The following MED16 variants were observed in gnomAD, a reference collection of about 807,000 sequenced individuals.
MED16 encodes the protein mediator complex subunit 16.
Under a neutral mutation model 84.4 loss-of-function variants are expected in MED16, and 81 were observed. The ratio of observed to expected loss-of-function variants is 0.96; its 90% CI spans 0.80 to 1.15. The LOEUF is 1.15. Ranked by LOEUF, MED16 falls within the 50% of genes most tolerant of loss-of-function variation. MED16 has a pLI of 0.00. For missense variants in MED16, 1,585 were observed against 1,245.9 expected, an observed-to-expected ratio of 1.27 and a Z score of -4.10; for synonymous variants, 897 against 552.2, an observed-to-expected ratio of 1.62 and a Z score of -8.76.
In MED16 at chr19:880,782, G is replaced by A. The variant is rs186828027; in HGVS notation, c.1142-634C>T. Among the ~76,000 whole-genome samples the A allele has an allele frequency of 2.8e-3, 420 of 152,160 alleles. 9 individuals carry two copies. Among genetic ancestry groups the A allele is most frequent in the African/African-American group, 9.7e-3 (403 of 41,512 alleles). ...CTAAAATACAAAAAATTAGCCGGGC[G>A]TGGCAGCACGCGCCTGTAGTCCCAG... On this transcript the variant is annotated intron_variant, in intron 7 of 15. Transcript: ENST00000325464.
At chr19:873,689 G>A (rs774663158) in intron 10 of MED16, 107 bp from the exon 11 acceptor site, 5 of 1,278,232 alleles carry the variant, frequency 3.9e-6, no homozygotes, top group African/African-American at 1.5e-5. Context: ...CCCAGTACCA[G>A]GACACAAGGG....
rs764612619 is a variant in MED16 at position 876,983 on chromosome 19, G to T, written c.1551C>A (p.Ala517=). The T allele has an allele frequency of 3.7e-6, 6 of 1,611,222 alleles. No individual in the cohort carries two copies. The South Asian group carries it at 4.4e-5, about 12-fold the overall frequency. Residue 517 remains alanine, a synonymous_variant, in exon 9 of 16, where the codon GCC becomes GCA. Transcript: ENST00000325464. ...TGCCACGGGCCCCCACCTGCTGCAG[G>T]GCAGCGGTCTGGCGCGTGTACTCCT... ...LHEEYTRQTA[A]LQQVLSTRIL...
chr19:888,968 T>C (rs1270860028), intron 4 of MED16, among the ~76,000 whole-genome samples: 1 of 151,904 alleles, frequency 6.6e-6, no homozygotes, highest in Non-Finnish European at 1.5e-5. Flanking sequence ...CTGCCGTCAG[T>C]GAGGAAACTG....
chr19:886,287 C>T, intron 4 of MED16, 86 bp from the exon 5 acceptor site: 3 of 1,219,642 alleles, frequency 2.5e-6, no homozygotes, highest in Non-Finnish European at 3.3e-6. Context: ...CACAGAAGAA[C>T]CACGCAGAAG....
intron 8 of MED16, among the ~76,000 whole-genome samples, chr19:879,442 GC>G (rs2036359109): frequency 1.8e-5 from 1 of 55,388 alleles, no homozygotes. Flanking sequence ...AGCCCCACGT[GC>G]CCCAGCAGCT....
intron 1 of MED16, 152 bp downstream of exon 1, chr19:892,934 C>A: frequency 6.8e-6 from 1 of 146,186 alleles, no homozygotes; most frequent in Non-Finnish European, 1.5e-5. Flanking sequence ...GCCCCGCGCC[C>A]CGCGCCCCAG....
intron 15 of MED16, 63 bp from the exon 16 acceptor site, chr19:868,314 G>A: frequency 1.3e-6 from 2 of 1,585,646 alleles, no homozygotes; most frequent in Non-Finnish European, 8.5e-7. Flanking sequence ...GGCTCTTGCA[G>A]CAGCCGGGCT....
rs2036044873 is a variant in MED16, at chr19:871,229, T to G, written c.2123A>C (p.Glu708Ala). 2.6e-6 allele frequency: 4 copies of G among 1,542,688 alleles called. No homozygotes were observed. Among genetic ancestry groups the G allele is most frequent in the Non-Finnish European group, 2.6e-6 (3 of 1,141,014 alleles). Residue 708 changes from glutamate (E) to alanine (A), a missense_variant, in exon 13 of 16, where the codon GAG becomes GCG. Coordinates refer to ENST00000325464, the MANE Select transcript of MED16 (RefSeq NM_005481.3). ...TTCATCCACCAGCGCCTCGTCCGGC[T>G]CGCTCGCTGGGCCCTCATCGCGACC... Reference protein sequence around the residue: ...ICCRDEGPASEPDEALVDECC... With the variant: ...ICCRDEGPASAPDEALVDECC...
Position 868,033 on chromosome 19 carries a change from G to C in MED16, c.*68C>G. The C allele has an allele frequency of 2.0e-6, 3 of 1,530,164 alleles. No individual in the cohort carries two copies. The highest frequency in any genetic ancestry group is 2.6e-6 in the Non-Finnish European group (3 of 1,143,770). 94.8% of individuals were successfully genotyped at this position (1,530,164 alleles called of 1,614,324 possible). On this transcript the variant is annotated 3_prime_UTR_variant, in exon 16 of 16. Coordinates refer to ENST00000325464, the MANE Select transcript of MED16 (RefSeq NM_005481.3). ...TTGTCCAGGTTCAGCGCTCTCCGCG[G>C]GTGAGGCAAGGAAACCGAGGAGACG...
chr19:886,215 A>T lies in MED16; in HGVS notation c.448-14T>A. 2 of 1,493,768 alleles carry T rather than the reference A, an allele frequency of 1.3e-6. No homozygotes were observed. The highest frequency in any genetic ancestry group is 1.8e-6 in the Non-Finnish European group (2 of 1,126,992). The allele number at this position is 1,493,768 out of a possible 1,614,324, so 92.5% of individuals were successfully genotyped here. A position where few individuals can be genotyped will look rare whatever the true frequency, so the allele number is the denominator to read the frequency against. On this transcript the variant is annotated splice_polypyrimidine_tract_variant and intron_variant, in intron 4 of 15. Transcript: ENST00000325464. Reference sequence around the variant, plus strand: ...GGAGGCGCCCGACTGTGGAGAAGGGAGGGAGGGAGGAGGGGCCGCTCAGGC... The same window carrying T: ...GGAGGCGCCCGACTGTGGAGAAGGGTGGGAGGGAGGAGGGGCCGCTCAGGC...
At chr19:872,139 T>A in intron 11 of MED16, 21 bp from the exon 12 acceptor site, 1 of 1,551,642 alleles carries the variant, frequency 6.4e-7, no homozygotes, top group Non-Finnish European at 8.7e-7. Context: ...GAGGCATCGG[T>A]GTGGCTGGGG....
At position 869,043 on chromosome 19, in the gene MED16, C is replaced by T. The variant is rs555514961; in HGVS notation, c.2316-97G>A. Reference sequence around the variant, plus strand: ...CACAGGCGGGGGTGGAGGGAATGGCCGGCCTCACACCATCTGCCAGGTGGG... The same window carrying T: ...CACAGGCGGGGGTGGAGGGAATGGCTGGCCTCACACCATCTGCCAGGTGGG... On this transcript the variant is annotated intron_variant, in intron 13 of 15. Coordinates refer to ENST00000325464, the MANE Select transcript of MED16 (RefSeq NM_005481.3). 31 of 1,056,718 alleles carry T rather than the reference C, an allele frequency of 2.9e-5. No homozygotes were observed. The East Asian group carries it at 4.1e-4, about 14-fold the overall frequency. 65.5% of individuals were successfully genotyped at this position (1,056,718 alleles called of 1,614,324 possible). A position where few individuals can be genotyped will look rare whatever the true frequency, so the allele number is the denominator to read the frequency against.
intron 10 of MED16, among the ~76,000 whole-genome samples, chr19:874,016 G>T (rs1401312707): frequency 6.6e-6 from 1 of 152,194 alleles, no homozygotes; most frequent in Non-Finnish European, 1.5e-5. Context: ...ATGGTGACTA[G>T]GGTGGTCCCA....
At chr19:889,612 T>C (rs373850613) in intron 4 of MED16, 26 bp downstream of exon 4, 9 of 1,591,874 alleles carry the variant, frequency 5.7e-6, no homozygotes, top group Non-Finnish European at 7.7e-6. Flanking sequence ...ATCTGCCTCA[T>C]CCGCTCACTC....
chr19:868,341 G>T (rs758906090), intron 15 of MED16, 75 bp downstream of exon 15: 9 of 1,581,820 alleles, frequency 5.7e-6, no homozygotes, highest in Admixed American at 5.3e-5. Context: ...CAGCTGAGGG[G>T]TAGCTGAGGA....
chr19:880,747 C>T (rs1325680172), intron 7 of MED16, among the ~76,000 whole-genome samples: 2 of 152,036 alleles, frequency 1.3e-5, no homozygotes, highest in Non-Finnish European at 2.9e-5. Flanking sequence ...CCGGTGAAAC[C>T]CCGTCTCTAC....
chr19:882,223 C>T (rs1209247061), intron 6 of MED16, among the ~76,000 whole-genome samples: 1 of 152,272 alleles, frequency 6.6e-6, no homozygotes, highest in African/African-American at 2.4e-5. Flanking sequence ...GCAAATGTGA[C>T]ATGGCCGGGC....
chr19:884,676 A>G (rs1329421798), intron 6 of MED16, among the ~76,000 whole-genome samples: 1 of 152,146 alleles, frequency 6.6e-6, no homozygotes, highest in Non-Finnish European at 1.5e-5. Flanking sequence ...CAGCCGCCGC[A>G]GCGGGCGTGG....
chr19:869,236 C>T (rs1306539633), intron 13 of MED16, among the ~76,000 whole-genome samples: 1 of 152,112 alleles, frequency 6.6e-6, no homozygotes, highest in South Asian at 2.1e-4. Flanking sequence ...GGACGAGGGT[C>T]GGTCCGCCAC....
Sources: gnomAD v4.1 joint callset for allele counts (sites outside exome capture counted in the v4.1 genomes callset) on GRCh38, gnomAD v4.1.1 for gene constraint, MANE v1.5 for transcripts, NCBI Gene and HGNC (gene_info 2026-07-23, HGNC 2026-07-21) for gene names.